Variants in FBXO41 observed in about 807,000 individuals in gnomAD.
FBXO41 encodes the protein F-box protein 41.
Under a neutral mutation model 81.6 loss-of-function variants are expected in FBXO41, and 33 were observed. The observed-to-expected ratio is 0.40, with a 90% CI of 0.31 to 0.54. The LOEUF (loss-of-function observed/expected upper bound fraction) is 0.54. Among genes scored for constraint, FBXO41 ranks in the 20% least tolerant of loss-of-function variants. FBXO41 has a pLI of 0.39. For synonymous variants in FBXO41, 576 were observed against 552.7 expected, an observed-to-expected ratio of 1.04 and a Z score of -0.59; for missense variants, 1,107 against 1,236.0, an observed-to-expected ratio of 0.90 and a Z score of 1.56.
Position 73,254,826 on chromosome 2 carries a change from T to C in FBXO41, c.*4156A>G, listed in dbSNP as rs1041393773. The C allele has an allele frequency of 2.0e-5, 3 of 152,676 alleles. No individual in the cohort carries two copies. The highest frequency in any genetic ancestry group is 2.0e-4 in the Admixed American group (3 of 15,282). 9.5% of individuals were successfully genotyped at this position (152,676 alleles called of 1,614,324 possible). On this transcript the variant is annotated 3_prime_UTR_variant, in exon 13 of 13. Transcript: ENST00000520530. ...GGTGACATGGAGCAAAGTGCTGGGA[T>C]GGCGATGCCTGGGTGGGGCAGAGAA...
chr2:73,266,867 A>T lies in FBXO41; in HGVS notation c.906-185T>A. 2 of 917,692 alleles carry T rather than the reference A, an allele frequency of 2.2e-6. No individual in the cohort carries two copies. The highest frequency in any genetic ancestry group is 3.0e-6 in the Non-Finnish European group (2 of 671,166). The allele number at this position is 917,692 out of a possible 1,614,324, so 56.8% of individuals were successfully genotyped here. ...CGCACGATGACACATACAGAAATGC[A>T]TGCATGCACTCCGAGCCACACACTC... On this transcript the variant is annotated intron_variant, in intron 2 of 12. Coordinates refer to ENST00000520530, the MANE Select transcript of FBXO41 (RefSeq NM_001371389.2). The surrounding 1 kb of genome is among the most constrained non-coding windows in gnomAD (Gnocchi z 5.3).
rs1456909337 is a variant in FBXO41 at position 73,269,249 on chromosome 2, G to T, written c.382C>A (p.Pro128Thr). 2.0e-6 allele frequency: 3 copies of T among 1,530,834 alleles called. No homozygotes were observed. In the African/African-American group the frequency reaches 4.3e-5, roughly 22 times the overall value. The allele number at this position is 1,530,834 out of a possible 1,614,324, so 94.8% of individuals were successfully genotyped here. Residue 128 changes from proline to threonine, a missense_variant, in exon 2 of 13, where the codon CCC (proline) becomes ACC (threonine). This residue lies in a region of FBXO41 where 771 missense variants were observed against 789.2 expected (regional missense o/e 0.98). Coordinates refer to ENST00000520530, the MANE Select transcript of FBXO41 (RefSeq NM_001371389.2). The surrounding 1 kb of genome is among the most constrained non-coding windows in gnomAD (Gnocchi z 7.0). The part of the protein sequence containing the change: ...FPGDLVPASL[P>T]CEELAEPGLV... ...CCCGGCTCGGCCAACTCCTCACAGG[G>T]CAGGCTAGCGGGCACCAGGTCGCCG... is the stretch of plus-strand genomic sequence containing the variant.
intron 1 of FBXO41, among the ~76,000 whole-genome samples, chr2:73,280,564 A>C (rs535122069): frequency 6.6e-6 from 1 of 152,178 alleles, no homozygotes; most frequent in Admixed American, 6.5e-5. Flanking sequence ...ATTTTGCTCC[A>C]TGGGGAAATG....
intron 6 of FBXO41, 92 bp downstream of exon 6, chr2:73,264,186 G>A: frequency 1.9e-6 from 3 of 1,587,388 alleles, no homozygotes; most frequent in East Asian, 2.3e-5. Flanking sequence ...GTGTTGTAAG[G>A]GTTGCAAGGA....
chr2:73,263,582 G>A, intron 8 of FBXO41, 96 bp downstream of exon 8: 1 of 1,496,166 alleles, frequency 6.7e-7, no homozygotes, highest in Non-Finnish European at 9.0e-7. Flanking sequence ...GGATCCCTTT[G>A]CTTGAGAACC....
chr2:73,270,528 TTGTTC>T (rs1447818981), intron 1 of FBXO41, among the ~76,000 whole-genome samples: 1 of 152,120 alleles, frequency 6.6e-6, no homozygotes, highest in East Asian at 1.9e-4. Context: ...GTGTCGCTGT[TTGTTC>T]TGTCCCGACT....
chr2:73,268,577 T>C (rs1211293534), intron 2 of FBXO41, 149 bp downstream of exon 2: 8 of 727,528 alleles, frequency 1.1e-5, no homozygotes, highest in Admixed American at 6.2e-5. Flanking sequence ...CATGACACTC[T>C]TGGCCCCACA....
intron 1 of FBXO41, among the ~76,000 whole-genome samples, chr2:73,282,865 C>T (rs61581348): frequency 0.1 from 15,779 of 152,112 alleles, 2,111 homozygotes; most frequent in African/African-American, 0.31. Flanking sequence ...AGTTTGTTTT[C>T]TGGTGGCCCT....
chr2:73,276,919 T>A (rs892789103), intron 1 of FBXO41, among the ~76,000 whole-genome samples: 3 of 152,238 alleles, frequency 2.0e-5, no homozygotes, highest in Non-Finnish European at 2.9e-5. Context: ...CTATAATGTA[T>A]GGTGAGCCTG....
At chr2:73,277,531 C>T (rs1688731912) in intron 1 of FBXO41, among the ~76,000 whole-genome samples, 1 of 152,226 alleles carries the variant, frequency 6.6e-6, no homozygotes, top group Non-Finnish European at 1.5e-5. Flanking sequence ...GCCCTGCCTC[C>T]AGACCTGTGA....
Position 73,278,634 on chromosome 2 carries a change from A to G in FBXO41, c.-139+5526T>C, listed in dbSNP as rs141139984. Among the ~76,000 whole-genome samples the G allele has an allele frequency of 6.9e-3, 1,052 of 152,326 alleles. 10 individuals carry two copies. The highest frequency in any genetic ancestry group is 0.024 in the African/African-American group (987 of 41,572). On this transcript the variant is annotated intron_variant, in intron 1 of 12. Coordinates refer to ENST00000520530, the MANE Select transcript of FBXO41 (RefSeq NM_001371389.2). Reference sequence around the variant, plus strand: ...AATAAACATTATGCAAGAGGCAGGCACGGGATTCTACACTTAACTTGAGGA... The same window carrying G: ...AATAAACATTATGCAAGAGGCAGGCGCGGGATTCTACACTTAACTTGAGGA...
At chr2:73,276,109 A>T (rs181655394) in intron 1 of FBXO41, among the ~76,000 whole-genome samples, 1,942 of 147,782 alleles carry the variant, frequency 0.013, 60 homozygotes, top group African/African-American at 0.044. Context: ...CTTTTTTTTT[A>T]AAAAAATGAT....
intron 1 of FBXO41, among the ~76,000 whole-genome samples, chr2:73,276,610 GAGGGAGAGAGGGAGAGAA>G (rs1688696682): frequency 2.3e-5 from 2 of 85,968 alleles, no homozygotes; most frequent in Admixed American, 1.2e-4. Context: ...GAGAGGGAGA[GAGGGAGAGAGGGAGAGAA>G]TGCATTTATA....
Position 73,269,155 on chromosome 2 carries a change from G to A in FBXO41, c.476C>T (p.Ala159Val). 2.6e-6 allele frequency: 4 copies of A among 1,523,752 alleles called. No homozygotes were observed. The highest frequency in any genetic ancestry group is 3.5e-6 in the Non-Finnish European group (4 of 1,141,302). 94.4% of individuals were successfully genotyped at this position (1,523,752 alleles called of 1,614,324 possible). A position where few individuals can be genotyped will look rare whatever the true frequency, so the allele number is the denominator to read the frequency against. The change falls in exon 2 of 13, where the codon GCC (alanine) becomes GTC (valine). Residue 159 changes from alanine (A) to valine (V), a missense_variant. This residue lies in a region of FBXO41 where 771 missense variants were observed against 789.2 expected (regional missense o/e 0.98). Transcript: ENST00000520530. This position sits in a 1 kb window ranked among gnomAD's most constrained non-coding sequence, Gnocchi z 7.0. ...EIEIPLGELF[A>V]RKSVASSACS... ...CGCCGAGGACGCCACGGACTTGCGG[G>A]CGAACAGCTCCCCCAGCGGGATCTC...
chr2:73,277,995 C>G (rs939500288), intron 1 of FBXO41, among the ~76,000 whole-genome samples: 6 of 152,212 alleles, frequency 3.9e-5, no homozygotes, highest in African/African-American at 1.4e-4. Context: ...CCTGGCTAAT[C>G]ACAGTATTTC....
intron 1 of FBXO41, among the ~76,000 whole-genome samples, chr2:73,279,793 G>C (rs1371949468): frequency 6.6e-6 from 1 of 152,130 alleles, no homozygotes; most frequent in Admixed American, 6.5e-5. Flanking sequence ...AGATGGGAGT[G>C]ACCTGAACAT....
Position 73,264,487 on chromosome 2 carries a change from G to A in FBXO41, c.1597C>T (p.Arg533Ter). Residue 533 changes from arginine (R) to a stop codon, truncating the protein, a stop_gained, in exon 6 of 13, where the codon CGA becomes TGA. Coordinates refer to ENST00000520530, the MANE Select transcript of FBXO41 (RefSeq NM_001371389.2). LOFTEE classifies it high-confidence loss of function. ...CGTGAGGGGCTGACCCTCTCTGCTC[G>A]CCGACCCCGCCCACTGCCTCCCTCG... ...RPEGGSGRGR[R>*]AERVSPSRSN... The A allele has an allele frequency of 1.2e-6, 2 of 1,613,726 alleles. No individual in the cohort carries two copies. Among genetic ancestry groups the A allele is most frequent in the South Asian group, 1.1e-5 (1 of 91,072 alleles).
intron 5 of FBXO41, 65 bp from the exon 6 acceptor site, chr2:73,264,584 G>A (rs1387762799): frequency 1.3e-6 from 2 of 1,595,654 alleles, no homozygotes; most frequent in African/African-American, 1.3e-5. Flanking sequence ...GATGTGTGTG[G>A]GGAGCTGGGG....
Position 73,260,782 on chromosome 2 carries a change from C to T in FBXO41, c.2248G>A (p.Val750Ile), listed in dbSNP as rs962137864. The T allele has an allele frequency of 3.2e-6, 5 of 1,564,126 alleles. No homozygotes were observed. The African/African-American group carries it at 6.8e-5, about 21-fold the overall frequency. ...RCWPHLRALGVGGAGCGVQGL... is the reference protein window; with the variant it reads ...RCWPHLRALGIGGAGCGVQGL... ...TGCACCCCACAGCCGGCACCCCCGA[C>T]CCCCAGGGCCCGCAGGTGGGGCCAA... The change falls in exon 10 of 13, where the codon GTC (valine) becomes ATC (isoleucine). Residue 750 changes from valine (V) to isoleucine (I), a missense_variant. Val to Ile is a conservative substitution (Grantham distance 29). Around this residue, in one of 2 missense-constraint regions of FBXO41, gnomAD observed 336 missense variants for 446.7 expected, o/e 0.75. Transcript: ENST00000520530. The surrounding 1 kb of genome is among the most constrained non-coding windows in gnomAD (Gnocchi z 5.0).
Sources: allele counts gnomAD v4.1 joint callset (sites outside exome capture counted in the v4.1 genomes callset), GRCh38; gene constraint gnomAD v4.1.1; regional missense constraint gnomAD v4.1.1; non-coding constraint Gnocchi (gnomAD v3.1); transcripts MANE v1.5; gene names NCBI Gene and HGNC (gene_info 2026-07-23, HGNC 2026-07-21).